MXD1: variants seen among roughly 807,000 people sequenced by gnomAD.
The protein encoded by MXD1 is MAX-binding protein.
Under a neutral mutation model 25.7 loss-of-function variants are expected in MXD1, and 9 were observed. The ratio of observed to expected loss-of-function variants is 0.35; its 90% CI spans 0.21 to 0.61. MXD1 has a LOEUF of 0.61. Ranked by LOEUF, MXD1 falls within the 20% of genes least tolerant of loss-of-function variation. The probability of loss-of-function intolerance (pLI) is 0.75; values close to 1 mark genes in which losing one functional copy is unlikely to be tolerated. For synonymous variants in MXD1, 99 were observed against 113.9 expected, an observed-to-expected ratio of 0.87 and a Z score of 0.83; for missense variants, 227 against 292.4, an observed-to-expected ratio of 0.78 and a Z score of 1.63.
chr2:69,938,006 C>A, intron 5 of MXD1, 91 bp from the exon 6 acceptor site: 1 of 1,295,412 alleles, frequency 7.7e-7, no homozygotes, highest in East Asian at 2.4e-5. Context: ...CTTTGCCTCC[C>A]AAAGTGCTGG....
chr2:69,923,025 A>G lies in MXD1; in HGVS notation c.203+1260A>G, dbSNP rs139720833. ...AGTATTTTAAAGCAAATTTTCTTGT[A>G]TCTCTAGTAAACACCAAAAAAAAAA... On this transcript the variant is annotated intron_variant, in intron 3 of 5. Transcript: ENST00000264444. Among the ~76,000 whole-genome samples, 1,418 of 143,012 alleles carry G rather than the reference A, an allele frequency of 9.9e-3. 24 individuals are homozygous for G. The highest frequency in any genetic ancestry group is 0.036 in the African/African-American group (1,317 of 36,378). The allele number at this position is 143,012 out of a possible 152,430, so 93.8% of individuals were successfully genotyped here.
intron 5 of MXD1, 47 bp downstream of exon 5, chr2:69,937,441 C>G: frequency 6.8e-7 from 1 of 1,473,484 alleles, no homozygotes; most frequent in Non-Finnish European, 8.9e-7. Context: ...GCTCCCCAAC[C>G]CCAGAGCAGG....
At chr2:69,937,449 A>G (rs1283841058) in intron 5 of MXD1, 55 bp downstream of exon 5, 2 of 1,405,458 alleles carry the variant, frequency 1.4e-6, no homozygotes, top group East Asian at 5.0e-5. Context: ...ACCCCAGAGC[A>G]GGGGTTCAGT....
chr2:69,917,245 T>C (rs984078013), intron 2 of MXD1, among the ~76,000 whole-genome samples: 1 of 152,240 alleles, frequency 6.6e-6, no homozygotes, highest in African/African-American at 2.4e-5. Context: ...ACCTCTTTAG[T>C]ATCGTTAGTG....
At position 69,942,827 on chromosome 2, in the gene MXD1, TAC is replaced by T. The variant is rs1168078188; in HGVS notation, c.*4545_*4546del. 6.6e-6 allele frequency: 1 copy of T among 152,110 alleles called. No individual in the cohort carries two copies. Among genetic ancestry groups the T allele is most frequent in the Non-Finnish European group, 1.5e-5 (1 of 68,052 alleles). 9.4% of individuals were successfully genotyped at this position (152,110 alleles called of 1,614,324 possible). On this transcript the variant is annotated 3_prime_UTR_variant, in exon 6 of 6. Coordinates refer to ENST00000264444, the MANE Select transcript of MXD1 (RefSeq NM_002357.4). ...GATCATAGAGAATGGTGCTTTTTAC[TAC>T]AGTTAGCACATGCATTTTTAGAAAC... is the stretch of plus-strand genomic sequence containing the variant.
intron 3 of MXD1, among the ~76,000 whole-genome samples, chr2:69,924,262 C>A (rs902085360): frequency 6.6e-6 from 1 of 152,164 alleles, no homozygotes; most frequent in Non-Finnish European, 1.5e-5. Flanking sequence ...GAAAACTGAA[C>A]GTGAAGTCAC....
chr2:69,937,527 TG>T, intron 5 of MXD1, 133 bp downstream of exon 5: 1 of 848,414 alleles, frequency 1.2e-6, no homozygotes, highest in African/African-American at 1.7e-5. Flanking sequence ...AGTCGAACAG[TG>T]TGACCTCCAG....
chr2:69,928,224 G>T (rs1677208197), intron 3 of MXD1, among the ~76,000 whole-genome samples: 1 of 152,076 alleles, frequency 6.6e-6, no homozygotes, highest in South Asian at 2.1e-4. Context: ...ATTTAATTGG[G>T]TAAGTCTGGC....
In MXD1 at chr2:69,939,437, T is replaced by C. The variant is rs1261651259; in HGVS notation, c.*1153T>C. 1 of 152,610 alleles carries C rather than the reference T, an allele frequency of 6.6e-6. No individual in the cohort carries two copies. The highest frequency in any genetic ancestry group is 1.5e-5 in the Non-Finnish European group (1 of 68,028). 9.5% of individuals were successfully genotyped at this position (152,610 alleles called of 1,614,324 possible). A position where few individuals can be genotyped will look rare whatever the true frequency, so the allele number is the denominator to read the frequency against. On this transcript the variant is annotated 3_prime_UTR_variant, in exon 6 of 6. Coordinates refer to ENST00000264444, the MANE Select transcript of MXD1 (RefSeq NM_002357.4). ...TGGTTATGATTTCTCCCTTAAGTGGTCTCCGACTTTGTAGCATTTTTATTT... is the reference window on the plus strand; with the variant it reads ...TGGTTATGATTTCTCCCTTAAGTGGCCTCCGACTTTGTAGCATTTTTATTT...
At chr2:69,924,016 A>G (rs1000602907) in intron 3 of MXD1, among the ~76,000 whole-genome samples, 11 of 152,348 alleles carry the variant, frequency 7.2e-5, no homozygotes, top group South Asian at 4.1e-4. Flanking sequence ...ACAGAATGTC[A>G]ATTGTATTAT....
Position 69,938,265 on chromosome 2 carries a change from A to AG in MXD1, c.649dup (p.Ala217GlyfsTer16), listed in dbSNP as rs770011251. The AG allele has an allele frequency of 6.2e-7, 1 of 1,614,186 alleles. No individual in the cohort carries two copies. The highest frequency in any genetic ancestry group is 1.7e-5 in the Admixed American group (1 of 60,026). ...AGAATAAAGCTGCAGGACAGTCACA[A>AG]GGCGTGTCTTGGTCTCTAAGAGAGT... On this transcript the variant is annotated frameshift_variant, in exon 6 of 6. Coordinates refer to ENST00000264444, the MANE Select transcript of MXD1 (RefSeq NM_002357.4). LOFTEE classifies it high-confidence loss of function.
intron 3 of MXD1, among the ~76,000 whole-genome samples, chr2:69,932,877 A>C (rs1677325158): frequency 6.6e-6 from 1 of 152,208 alleles, no homozygotes; most frequent in South Asian, 2.1e-4. Flanking sequence ...GCTGGCTGAA[A>C]AATATCTAAA....
chr2:69,926,555 T>C (rs914433760), intron 3 of MXD1, among the ~76,000 whole-genome samples: 4 of 152,254 alleles, frequency 2.6e-5, no homozygotes, highest in African/African-American at 9.6e-5. Context: ...ATTTCTCTTC[T>C]GTCTCTAAGC....
chr2:69,930,561 G>A (rs1444678667), intron 3 of MXD1, among the ~76,000 whole-genome samples: 1 of 152,120 alleles, frequency 6.6e-6, no homozygotes, highest in African/African-American at 2.4e-5. Flanking sequence ...AGTACTTTTA[G>A]CATAAGCACT....
chr2:69,919,573 G>A (rs138458011), intron 2 of MXD1, among the ~76,000 whole-genome samples: 6,837 of 152,106 alleles, frequency 0.045, 494 homozygotes, highest in African/African-American at 0.16. Flanking sequence ...TCGAACTCCT[G>A]ACCTCAAGTG....
chr2:69,926,216 T>C (rs1677166729), intron 3 of MXD1, among the ~76,000 whole-genome samples: 1 of 152,230 alleles, frequency 6.6e-6, no homozygotes, highest in African/African-American at 2.4e-5. Flanking sequence ...CCCTCACTGA[T>C]TCAAGTTGCT....
intron 3 of MXD1, among the ~76,000 whole-genome samples, chr2:69,931,244 T>C (rs187324231): frequency 1.3e-5 from 2 of 152,308 alleles, no homozygotes; most frequent in East Asian, 3.9e-4. Flanking sequence ...AGTTACCCTG[T>C]TGTGCTATCA....
At chr2:69,927,013 C>T (rs1282056348) in intron 3 of MXD1, among the ~76,000 whole-genome samples, 1 of 152,192 alleles carries the variant, frequency 6.6e-6, no homozygotes, top group Non-Finnish European at 1.5e-5. Flanking sequence ...TCTTCTGACC[C>T]TGTGACAGAA....
rs1344508917 is a variant in MXD1, at chr2:69,939,339, A to G, written c.*1055A>G. 1 of 152,552 alleles carries G rather than the reference A, an allele frequency of 6.6e-6. No individual in the cohort carries two copies. Among genetic ancestry groups the G allele is most frequent in the Non-Finnish European group, 1.5e-5 (1 of 68,006 alleles). The allele number at this position is 152,552 out of a possible 1,614,324, so 9.4% of individuals were successfully genotyped here. Reference sequence around the variant, plus strand: ...ACTAGAACTCCTCTCCTTATTGATTATTTTTGGACACACCCAGAAACTTCT... The same window carrying G: ...ACTAGAACTCCTCTCCTTATTGATTGTTTTTGGACACACCCAGAAACTTCT... On this transcript the variant is annotated 3_prime_UTR_variant, in exon 6 of 6. Transcript: ENST00000264444.
Sources: gnomAD v4.1 joint callset for allele counts (sites outside exome capture counted in the v4.1 genomes callset) on GRCh38, gnomAD v4.1.1 for gene constraint, MANE v1.5 for transcripts, NCBI Gene and HGNC (gene_info 2026-07-23, HGNC 2026-07-21) for gene names.